Variants in CHEK2 observed in about 807,000 individuals in gnomAD.
The protein encoded by CHEK2 is checkpoint kinase 2.
A neutral mutation model predicts 69.1 loss-of-function variants in CHEK2; 71 were observed. That is an observed-to-expected ratio of 1.03 (90% CI 0.85 to 1.25). The LOEUF is 1.25. Among genes scored for constraint, CHEK2 ranks in the 50% most tolerant of loss-of-function variants. CHEK2 has a pLI of 0.00. For synonymous variants in CHEK2, 189 were observed against 226.9 expected (o/e 0.83, Z 1.50); for missense variants, 664 against 649.6 (o/e 1.02, Z -0.24).
At chr22:28,710,695 C>T (rs1467348797) in intron 6 of CHEK2, among the ~76,000 whole-genome samples, 1 of 152,124 alleles carries the variant, frequency 6.6e-6, no homozygotes, top group African/African-American at 2.4e-5. Flanking sequence ...CTGGGCTACA[C>T]CCTCCACAAG....
chr22:28,734,876 C>G (rs1025185334), intron 1 of CHEK2, 149 bp from the exon 2 acceptor site: 3 of 677,172 alleles, frequency 4.4e-6, no homozygotes, highest in Middle Eastern at 3.7e-4. Context: ...AAAGTCCTAA[C>G]AGCCCAGACC....
At chr22:28,734,842 G>A (rs1278232494) in intron 1 of CHEK2, 115 bp from the exon 2 acceptor site, 5 of 813,690 alleles carry the variant, frequency 6.1e-6, no homozygotes, top group African/African-American at 1.8e-5. Context: ...AAAAAAACAG[G>A]GCAAACATGC....
At chr22:28,715,881 C>G (rs1180275418) in intron 5 of CHEK2, among the ~76,000 whole-genome samples, 1 of 148,682 alleles carries the variant, frequency 6.7e-6, no homozygotes, top group Non-Finnish European at 1.5e-5. Context: ...TTTTTTTCCT[C>G]CCGAGACATT....
chr22:28,712,986 C>T (rs2053457347), intron 5 of CHEK2, among the ~76,000 whole-genome samples: 1 of 152,196 alleles, frequency 6.6e-6, no homozygotes, highest in Non-Finnish European at 1.5e-5. Flanking sequence ...TCTACCCTGT[C>T]CCCAGCACTC....
At chr22:28,718,344 C>A (rs1233288600) in intron 5 of CHEK2, among the ~76,000 whole-genome samples, 1 of 152,106 alleles carries the variant, frequency 6.6e-6, no homozygotes, top group Non-Finnish European at 1.5e-5. Flanking sequence ...TAAATTAGTA[C>A]AGCCATTTTG....
intron 2 of CHEK2, among the ~76,000 whole-genome samples, chr22:28,733,873 G>A (rs1014143859): frequency 1.3e-5 from 2 of 149,944 alleles, no homozygotes; most frequent in African/African-American, 4.9e-5. Context: ...GAGCCGAGCC[G>A]AGATGGCGTC....
At chr22:28,690,057 A>C (rs890652695) in intron 13 of CHEK2, among the ~76,000 whole-genome samples, 11 of 152,194 alleles carry the variant, frequency 7.2e-5, no homozygotes, top group Non-Finnish European at 8.8e-5. Context: ...ACAGACCCAG[A>C]GTTATCTGAT....
At chr22:28,714,220 C>T (rs967830325) in intron 5 of CHEK2, among the ~76,000 whole-genome samples, 2 of 152,204 alleles carry the variant, frequency 1.3e-5, no homozygotes, top group African/African-American at 2.4e-5. Flanking sequence ...TCCTCACCAA[C>T]AGTTACTAGT....
chr22:28,702,341 C>T (rs1221851787), intron 8 of CHEK2, among the ~76,000 whole-genome samples: 2 of 151,322 alleles, frequency 1.3e-5, no homozygotes, highest in African/African-American at 4.9e-5. Flanking sequence ...TGGGTTCACG[C>T]CATTCTCCTG....
intron 7 of CHEK2, among the ~76,000 whole-genome samples, chr22:28,705,831 C>T (rs1047240094): frequency 1.3e-5 from 2 of 151,874 alleles, no homozygotes; most frequent in Non-Finnish European, 2.9e-5. Flanking sequence ...GAGGCTGAGA[C>T]AGGAGAATCG....
At chr22:28,695,380 G>A (rs1471924223) in intron 11 of CHEK2, 138 bp from the exon 12 acceptor site, 1 of 690,472 alleles carries the variant, frequency 1.4e-6, no homozygotes, top group Non-Finnish European at 2.6e-6. Context: ...AGCTAGGCTG[G>A]GCACAATGCC....
intron 7 of CHEK2, among the ~76,000 whole-genome samples, chr22:28,706,593 G>C (rs1315405250): frequency 6.6e-6 from 1 of 152,102 alleles, no homozygotes; most frequent in Non-Finnish European, 1.5e-5. Flanking sequence ...ATAGGCATGA[G>C]CCACCATGCA....
At chr22:28,732,358 A>G (rs1482366393) in intron 2 of CHEK2, among the ~76,000 whole-genome samples, 2 of 151,972 alleles carry the variant, frequency 1.3e-5, no homozygotes, top group Non-Finnish European at 2.9e-5. Flanking sequence ...TGATCCGCCC[A>G]TCTCGGCCTC....
Position 28,695,794 on chromosome 22 carries a change from G to A in CHEK2, c.1175C>T (p.Ala392Val), listed in dbSNP as rs373073383. The change falls in exon 11 of 15, where the codon GCG (alanine) becomes GTG (valine). Residue 392 changes from alanine (A) to valine (V), a missense_variant. Physicochemically the swap from Ala to Val is moderately conservative, Grantham distance 64. Coordinates refer to ENST00000404276, the MANE Select transcript of CHEK2 (RefSeq NM_007194.4). ...RTLCGTPTYL[A>V]PEVLVSVGTA... ...CCCAACAGAAACAAGAACTTCAGGC[G>A]CCAAGTAGGTGGGGGTTCCACATAA... is the stretch of plus-strand genomic sequence containing the variant. 4.8e-5 allele frequency: 78 copies of A among 1,613,584 alleles called. No homozygotes were observed. Among genetic ancestry groups the A allele is most frequent in the Middle Eastern group, 1.6e-4 (1 of 6,076 alleles).
In CHEK2 at chr22:28,724,692, G is replaced by A. The variant is rs980116923; in HGVS notation, c.592+285C>T. ...AGCGATTCTCCTGCCTCAGCCTCCC[G>A]AATAGCTGGGATTACAGGCATGCAC... On this transcript the variant is annotated intron_variant, in intron 4 of 14. Coordinates refer to ENST00000404276, the MANE Select transcript of CHEK2 (RefSeq NM_007194.4). 29 of 402,930 alleles carry A rather than the reference G, an allele frequency of 7.2e-5. No homozygotes were observed. In the East Asian group the frequency reaches 1.5e-3, roughly 21 times the overall value. 25.0% of individuals were successfully genotyped at this position (402,930 alleles called of 1,614,324 possible).
chr22:28,706,455 T>G (rs1051597055), intron 7 of CHEK2, among the ~76,000 whole-genome samples: 1 of 152,184 alleles, frequency 6.6e-6, no homozygotes, highest in African/African-American at 2.4e-5. Context: ...GTTTTGCTTT[T>G]GTTTTTGAGA....
intron 9 of CHEK2, 182 bp downstream of exon 9, chr22:28,699,656 C>A: frequency 1.6e-6 from 1 of 625,404 alleles, no homozygotes; most frequent in East Asian, 2.8e-5. Context: ...ACCACCGCGC[C>A]TCGCCAGTGA....
chr22:28,696,532 C>G (rs1399059407), intron 10 of CHEK2, among the ~76,000 whole-genome samples: 1 of 152,146 alleles, frequency 6.6e-6, no homozygotes, highest in Non-Finnish European at 1.5e-5. Flanking sequence ...CACCACCATG[C>G]CCAGCTAAAT....
Position 28,734,253 on chromosome 22 carries a change from T to C in CHEK2, c.319+150A>G, listed in dbSNP as rs918097569. On this transcript the variant is annotated intron_variant, in intron 2 of 14. Coordinates refer to ENST00000404276, the MANE Select transcript of CHEK2 (RefSeq NM_007194.4). ...GCCTTCCACTTCAATAAATCTATGCTTTCATTGCTTGTTCATGCATGATGT... is the reference window on the plus strand; with the variant it reads ...GCCTTCCACTTCAATAAATCTATGCCTTCATTGCTTGTTCATGCATGATGT... 6 of 736,630 alleles carry C rather than the reference T, an allele frequency of 8.1e-6. No homozygotes were observed. The African/African-American group carries it at 1.1e-4, about 13-fold the overall frequency. The allele number at this position is 736,630 out of a possible 1,614,324, so 45.6% of individuals were successfully genotyped here.
Sources: allele counts gnomAD v4.1 joint callset (sites outside exome capture counted in the v4.1 genomes callset), GRCh38; gene constraint gnomAD v4.1.1; transcripts MANE v1.5; gene names NCBI Gene and HGNC (gene_info 2026-07-23, HGNC 2026-07-21).